Variants in GID4 observed in about 807,000 individuals in gnomAD.
The protein encoded by GID4 is GID complex subunit 4 homolog.
In GID4, 7 loss-of-function variants were observed where a neutral mutation model predicts 32.4. The observed-to-expected ratio is 0.22, with a 90% CI of 0.12 to 0.41. The LOEUF is 0.41. Among genes scored for constraint, GID4 ranks in the 10% least tolerant of loss-of-function variants. The pLI is 1.00. For synonymous variants in GID4, 166 were observed against 170.0 expected, an observed-to-expected ratio of 0.98 and a Z score of 0.18; for missense variants, 309 against 400.0, an observed-to-expected ratio of 0.77 and a Z score of 1.94.
chr17:18,054,674 A>G (rs564837946), intron 3 of GID4, among the ~76,000 whole-genome samples: 187 of 152,260 alleles, frequency 1.2e-3, no homozygotes, highest in Non-Finnish European at 2.3e-3. Context: ...CTGGCTTATC[A>G]GGGCAGAGCC....
chr17:18,040,052 C>G, intron 1 of GID4, 150 bp downstream of exon 1: 1 of 1,108,452 alleles, frequency 9.0e-7, no homozygotes. Context: ...ACCTTCCCAG[C>G]CTGTGTCTCA....
intron 2 of GID4, 94 bp downstream of exon 2, chr17:18,045,300 G>GACC: frequency 4.5e-6 from 4 of 893,956 alleles, no homozygotes; most frequent in Non-Finnish European, 7.3e-6. Context: ...AACTCCTTGA[G>GACC]GCCTAATTAA....
chr17:18,055,031 C>T (rs896918554), intron 3 of GID4, among the ~76,000 whole-genome samples: 3 of 151,996 alleles, frequency 2.0e-5, no homozygotes, highest in Non-Finnish European at 4.4e-5. Context: ...ATTAGCTGGG[C>T]GTGGTGGTGG....
intron 3 of GID4, among the ~76,000 whole-genome samples, chr17:18,058,356 G>A (rs544125726): frequency 9.9e-5 from 15 of 152,104 alleles, no homozygotes; most frequent in Non-Finnish European, 7.4e-5. Context: ...CCAATCTCTC[G>A]CAGATATCGA....
intron 3 of GID4, chr17:18,056,892 A>G: frequency 3.2e-6 from 5 of 1,550,538 alleles, no homozygotes; most frequent in Non-Finnish European, 3.5e-6. Flanking sequence ...CATTTCCCCT[A>G]ACTTTCACCA....
At chr17:18,055,411 G>A (rs1259934049) in intron 3 of GID4, among the ~76,000 whole-genome samples, 2 of 152,082 alleles carry the variant, frequency 1.3e-5, no homozygotes, top group African/African-American at 4.8e-5. Flanking sequence ...GAGAACTCCC[G>A]CAGACCCTTG....
chr17:18,052,548 C>T (rs899863856), intron 2 of GID4, among the ~76,000 whole-genome samples: 1 of 152,168 alleles, frequency 6.6e-6, no homozygotes, highest in East Asian at 1.9e-4. Context: ...TGTGGTTTTC[C>T]AGGCCAGTGA....
intron 1 of GID4, 106 bp downstream of exon 1, chr17:18,040,008 C>G (rs1003323270): frequency 1.6e-6 from 2 of 1,245,500 alleles, no homozygotes; most frequent in African/African-American, 3.1e-5. Context: ...CCCTCGCCGC[C>G]GGGGCCTCCT....
At chr17:18,048,323 G>A (rs1387959938) in intron 2 of GID4, among the ~76,000 whole-genome samples, 1 of 152,082 alleles carries the variant, frequency 6.6e-6, no homozygotes, top group Non-Finnish European at 1.5e-5. Context: ...AGCCTCCCGA[G>A]TAGCTGGGAT....
intron 2 of GID4, among the ~76,000 whole-genome samples, chr17:18,048,067 AT>A (rs1353622801): frequency 6.6e-6 from 1 of 150,640 alleles, no homozygotes; most frequent in Admixed American, 6.6e-5. Context: ...CACCCGGCTA[AT>A]TTTTTTGTAT....
intron 5 of GID4, among the ~76,000 whole-genome samples, chr17:18,064,676 T>C (rs2045045090): frequency 6.6e-6 from 1 of 152,114 alleles, no homozygotes; most frequent in Non-Finnish European, 1.5e-5. Flanking sequence ...ATACCGTACC[T>C]AGGAAAGTGA....
rs2044824727 is a variant in GID4 at position 18,043,746 on chromosome 17, G to T, written c.439-1401G>T. ...TATTTGATTTATGGTATAATTGGAA[G>T]TAATCAGGTTCACAAATCTGATAAA... On this transcript the variant is annotated intron_variant, in intron 1 of 5. Coordinates refer to ENST00000268719, the MANE Select transcript of GID4 (RefSeq NM_024052.5). Among the ~76,000 whole-genome samples the T allele has an allele frequency of 2.0e-5, 3 of 152,160 alleles. No homozygotes were observed. In the South Asian group the frequency reaches 6.2e-4, roughly 31 times the overall value.
chr17:18,040,958 C>T (rs890282717), intron 1 of GID4, among the ~76,000 whole-genome samples: 4 of 152,174 alleles, frequency 2.6e-5, no homozygotes, highest in South Asian at 4.1e-4. Flanking sequence ...CCACACCTCA[C>T]TCCTCTCAGG....
chr17:18,066,318 C>T lies in GID4; in HGVS notation c.*1075C>T, dbSNP rs2045061763. 6.6e-6 allele frequency: 1 copy of T among 152,534 alleles called. No homozygotes were observed. Among genetic ancestry groups the T allele is most frequent in the African/African-American group, 2.4e-5 (1 of 41,438 alleles). The allele number at this position is 152,534 out of a possible 1,614,324, so 9.4% of individuals were successfully genotyped here. A position where few individuals can be genotyped will look rare whatever the true frequency, so the allele number is the denominator to read the frequency against. Reference sequence around the variant, plus strand: ...CGCCTCCTTTTGCTACTCAAAACAGCAATGCTTGGCGGCAGCCTTCCATGA... The same window carrying T: ...CGCCTCCTTTTGCTACTCAAAACAGTAATGCTTGGCGGCAGCCTTCCATGA... On this transcript the variant is annotated 3_prime_UTR_variant, in exon 6 of 6. Transcript: ENST00000268719.
In GID4 at chr17:18,039,784, C is replaced by G; in HGVS notation, c.320C>G (p.Pro107Arg). Reference protein sequence around the residue: ...SAASAASLIPPPPINTQQPGV... With the variant: ...SAASAASLIPRPPINTQQPGV... The stretch of plus-strand genomic sequence containing the variant: ...GCCTCCGCGGCCTCACTCATCCCGC[C>G]GCCGCCCATCAACACCCAGCAGCCC... The change falls in exon 1 of 6, where the codon CCG (proline) becomes CGG (arginine). Residue 107 changes from proline (P) to arginine (R), a missense_variant. Physicochemically the swap from Pro to Arg is moderately radical, Grantham distance 103 (BLOSUM62 -2). Coordinates refer to ENST00000268719, the MANE Select transcript of GID4 (RefSeq NM_024052.5). This position sits in a 1 kb window ranked among gnomAD's most constrained non-coding sequence, Gnocchi z 5.3. The G allele has an allele frequency of 6.3e-7, 1 of 1,575,608 alleles. No individual in the cohort carries two copies. Among genetic ancestry groups the G allele is most frequent in the South Asian group, 1.1e-5 (1 of 87,078 alleles).
intron 4 of GID4, 101 bp downstream of exon 4, chr17:18,059,070 G>C (rs559286148): frequency 7.5e-6 from 5 of 670,848 alleles, no homozygotes; most frequent in Non-Finnish European, 1.1e-5. Flanking sequence ...TCCAGTGCTC[G>C]TCACAGCTGG....
intron 3 of GID4, among the ~76,000 whole-genome samples, chr17:18,058,309 G>A (rs1174473681): frequency 1.3e-5 from 2 of 152,300 alleles, no homozygotes; most frequent in East Asian, 3.9e-4. Flanking sequence ...TGGGACTTAA[G>A]CATCTGCAGA....
chr17:18,052,472 G>A (rs1340543203), intron 2 of GID4, among the ~76,000 whole-genome samples: 1 of 152,108 alleles, frequency 6.6e-6, no homozygotes, highest in African/African-American at 2.4e-5. Context: ...AGAATAAGAG[G>A]GGCTTACATC....
intron 2 of GID4, among the ~76,000 whole-genome samples, chr17:18,046,271 C>A (rs1048788702): frequency 6.6e-6 from 1 of 152,192 alleles, no homozygotes; most frequent in Non-Finnish European, 1.5e-5. Context: ...TGACCTTTAA[C>A]TTCTTTCAGT....
Sources: gnomAD v4.1 joint callset for allele counts (sites outside exome capture counted in the v4.1 genomes callset) on GRCh38, gnomAD v4.1.1 for gene constraint, Gnocchi (gnomAD v3.1) non-coding constraint, MANE v1.5 for transcripts, NCBI Gene and HGNC (gene_info 2026-07-23, HGNC 2026-07-21) for gene names.